TIMM50: variants seen among roughly 807,000 people sequenced by gnomAD.
TIMM50 encodes translocase of inner mitochondrial membrane 50.
Under a neutral mutation model 49.6 loss-of-function variants are expected in TIMM50, and 34 were observed. That is an observed-to-expected ratio of 0.69 (90% CI 0.52 to 0.91). The LOEUF is 0.91. Among genes scored for constraint, TIMM50 ranks in the 40% least tolerant of loss-of-function variants. The pLI, the probability that TIMM50 is intolerant of heterozygous loss-of-function variation, is 0.00. For synonymous variants in TIMM50, 199 were observed against 198.4 expected, an observed-to-expected ratio of 1.00 and a Z score of -0.03; for missense variants, 458 against 477.8, an observed-to-expected ratio of 0.96 and a Z score of 0.39.
At chr19:39,486,164 C>G in intron 6 of TIMM50, 23 bp from the exon 7 acceptor site, 1 of 1,611,706 alleles carries the variant, frequency 6.2e-7, no homozygotes. Flanking sequence ...CTTGGTGTTT[C>G]ACTGTCCTCA....
intron 1 of TIMM50, 150 bp from the exon 2 acceptor site, chr19:39,481,733 C>T: frequency 9.7e-7 from 1 of 1,027,800 alleles, no homozygotes; most frequent in Non-Finnish European, 1.4e-6. Context: ...AGCAGCCCCA[C>T]ATCCTGACTG....
In TIMM50 at chr19:39,489,941, A is replaced by G. The variant is rs559492314; in HGVS notation, c.*121A>G. ...GACGCCACACCTGCTGTGTCCCGAG[A>G]GTCTCCAGATGGGGGCATCAGGGTG... On this transcript the variant is annotated 3_prime_UTR_variant, in exon 11 of 11. Transcript: ENST00000607714. 1.0e-6 allele frequency: 1 copy of G among 962,922 alleles called. No individual in the cohort carries two copies. The highest frequency in any genetic ancestry group is 1.6e-6 in the Non-Finnish European group (1 of 631,852). 59.6% of individuals were successfully genotyped at this position (962,922 alleles called of 1,614,324 possible). A position where few individuals can be genotyped will look rare whatever the true frequency, so the allele number is the denominator to read the frequency against.
intron 1 of TIMM50, 108 bp from the exon 2 acceptor site, chr19:39,481,775 G>A: frequency 1.4e-6 from 2 of 1,406,902 alleles, no homozygotes; most frequent in Non-Finnish European, 1.9e-6. Context: ...CCAGGGCTCT[G>A]TGGGTGTCTG....
chr19:39,485,484 T>C (rs1055382402), intron 4 of TIMM50, 60 bp from the exon 5 acceptor site: 6 of 1,606,334 alleles, frequency 3.7e-6, no homozygotes, highest in Non-Finnish European at 5.1e-6. Flanking sequence ...ACCCCTGGTT[T>C]GTCTGGGAGG....
intron 1 of TIMM50, chr19:39,481,162 C>T (rs1015311187): frequency 1.6e-6 from 1 of 644,850 alleles, no homozygotes; most frequent in Non-Finnish European, 2.5e-6. Flanking sequence ...TCCTTAGACC[C>T]CACCTCCCAC....
chr19:39,486,678 G>T (rs1278744258), intron 8 of TIMM50, among the ~76,000 whole-genome samples, 183 bp downstream of exon 8: 1 of 152,180 alleles, frequency 6.6e-6, no homozygotes, highest in Non-Finnish European at 1.5e-5. Flanking sequence ...TTTGTTCCCT[G>T]GAATCTGGGT....
chr19:39,485,539 C>T lies in TIMM50; in HGVS notation c.314-5C>T, dbSNP rs1376771607. On this transcript the variant is annotated splice_polypyrimidine_tract_variant and splice_region_variant and intron_variant, in intron 4 of 10. Coordinates refer to ENST00000607714, the MANE Select transcript of TIMM50 (RefSeq NM_001001563.5). ...GGAATCTCTTTGTGCCTGGTGTTCT[C>T]CTAGATCCAATTCTGGTACAGCAGT... 1 of 1,614,074 alleles carries T rather than the reference C, an allele frequency of 6.2e-7. No homozygotes were observed. Among genetic ancestry groups the T allele is most frequent in the Admixed American group, 1.7e-5 (1 of 59,998 alleles).
At chr19:39,486,609 C>T (rs1172477996) in intron 8 of TIMM50, 114 bp downstream of exon 8, 5 of 952,408 alleles carry the variant, frequency 5.2e-6, no homozygotes, top group South Asian at 2.8e-5. Context: ...TGCCCAGATT[C>T]GATTCCTGCT....
Position 39,492,518 on chromosome 19 carries a change from T to G in TIMM50, c.*2698T>G, listed in dbSNP as rs978311424. On this transcript the variant is annotated 3_prime_UTR_variant, in exon 11 of 11. Coordinates refer to ENST00000607714, the MANE Select transcript of TIMM50 (RefSeq NM_001001563.5). ...AACGGGACAGTCCGTATGTGGGTTA[T>G]ATGTATATATTCCCAGGTGCTTGCT... The G allele has an allele frequency of 6.6e-6, 1 of 152,106 alleles. No homozygotes were observed. Among genetic ancestry groups the G allele is most frequent in the Non-Finnish European group, 1.5e-5 (1 of 68,042 alleles). 9.4% of individuals were successfully genotyped at this position (152,106 alleles called of 1,614,324 possible). A position where few individuals can be genotyped will look rare whatever the true frequency, so the allele number is the denominator to read the frequency against.
chr19:39,485,115 C>T lies in TIMM50; in HGVS notation c.314-429C>T, dbSNP rs1447766594. On this transcript the variant is annotated intron_variant, in intron 4 of 10. Transcript: ENST00000607714. ...GGGACTACAGGCACATGCCACCACG[C>T]CCGGCTAATTTTTTTTTTTTTTTAC... The T allele has an allele frequency of 2.2e-5, 4 of 181,716 alleles. 1 individual carries two copies. The highest frequency in any genetic ancestry group is 2.2e-4 in the Admixed American group (4 of 18,496). 11.3% of individuals were successfully genotyped at this position (181,716 alleles called of 1,614,324 possible).
At chr19:39,483,941 C>T (rs751254849) in intron 4 of TIMM50, among the ~76,000 whole-genome samples, 4 of 152,128 alleles carry the variant, frequency 2.6e-5, no homozygotes, top group Non-Finnish European at 5.9e-5. Flanking sequence ...GCAACCTCCA[C>T]CTCCTGGGTT....
At position 39,485,544 on chromosome 19, in the gene TIMM50, A is replaced by T; in HGVS notation, c.314A>T (p.Asp105Val). ...CTCTTTGTGCCTGGTGTTCTCCTAG[A>T]TCCAATTCTGGTACAGCAGTTGCGC... ...GAKIPDEFDN[D>V]PILVQQLRRT... Residue 105 changes from aspartate to valine, a missense_variant and splice_region_variant, in exon 5 of 11, where the codon GAT becomes GTT. Physicochemically the swap from Asp to Val is radical, Grantham distance 152. Transcript: ENST00000607714. 1 of 1,614,138 alleles carries T rather than the reference A, an allele frequency of 6.2e-7. No individual in the cohort carries two copies. Among genetic ancestry groups the T allele is most frequent in the Non-Finnish European group, 8.5e-7 (1 of 1,180,034 alleles).
intron 8 of TIMM50, among the ~76,000 whole-genome samples, chr19:39,487,462 T>C (rs933415330): frequency 6.6e-6 from 1 of 151,468 alleles, no homozygotes; most frequent in Non-Finnish European, 1.5e-5. Context: ...TTTTTATTTA[T>C]TTATTTTTTT....
At chr19:39,481,418 C>T (rs2079470720) in intron 1 of TIMM50, 1 of 234,986 alleles carries the variant, frequency 4.3e-6, no homozygotes, top group Non-Finnish European at 8.3e-6. Context: ...TCCCCAAGCC[C>T]CAGACAAGTG....
At position 39,481,939 on chromosome 19, in the gene TIMM50, G is replaced by A. The variant is rs11545198; in HGVS notation, c.165G>A (p.Pro55=). The A allele has an allele frequency of 1.1e-3, 1,707 of 1,614,152 alleles. 20 individuals carry two copies. In the African/African-American group the frequency reaches 0.021, roughly 19 times the overall value. ...AGGCGCAAGGGCCACAGCAGCAGCC[G>A]GGCTCAGAGGGTCCCAGCTATGCCA... ...STKAQGPQQQ[P]GSEGPSYAKK... The change falls in exon 2 of 11, where the codon CCG becomes CCA. Residue 55 remains proline (P), a synonymous_variant. Coordinates refer to ENST00000607714, the MANE Select transcript of TIMM50 (RefSeq NM_001001563.5).
chr19:39,482,243 G>C (rs1463997284), intron 2 of TIMM50, among the ~76,000 whole-genome samples: 1 of 152,160 alleles, frequency 6.6e-6, no homozygotes, highest in African/African-American at 2.4e-5. Flanking sequence ...CTTTCTAGTT[G>C]GTTCCTGTAC....
At chr19:39,482,688 C>T (rs1195191655) in intron 2 of TIMM50, among the ~76,000 whole-genome samples, 197 bp from the exon 3 acceptor site, 3 of 151,666 alleles carry the variant, frequency 2.0e-5, no homozygotes, top group African/African-American at 7.3e-5. Flanking sequence ...CCCACAGACC[C>T]AAAAGACCTA....
intron 8 of TIMM50, 70 bp from the exon 9 acceptor site, chr19:39,487,991 G>C: frequency 6.5e-7 from 1 of 1,549,702 alleles, no homozygotes; most frequent in Non-Finnish European, 8.7e-7. Flanking sequence ...TATGTTTTGT[G>C]TGTTTTGGGT....
chr19:39,481,504 G>C (rs940657617), intron 1 of TIMM50, among the ~76,000 whole-genome samples: 1 of 152,050 alleles, frequency 6.6e-6, no homozygotes, highest in African/African-American at 2.4e-5. Context: ...GCCGGACGTC[G>C]TAACTCCCGG....
Sources: gnomAD v4.1 joint callset for allele counts (sites outside exome capture counted in the v4.1 genomes callset) on GRCh38, gnomAD v4.1.1 for gene constraint, MANE v1.5 for transcripts, NCBI Gene and HGNC (gene_info 2026-07-23, HGNC 2026-07-21) for gene names.